The following SMYD3 variants were observed in gnomAD, a reference collection of about 807,000 sequenced individuals.
SMYD3 encodes histone-lysine N-methyltransferase SMYD3.
In SMYD3, 36 loss-of-function variants were observed where a neutral mutation model predicts 57.7. The ratio of observed to expected loss-of-function variants is 0.62; its 90% confidence interval spans 0.48 to 0.82. SMYD3 has a LOEUF of 0.82. Among genes scored for constraint, SMYD3 ranks in the 40% least tolerant of loss-of-function variants. The pLI, the probability that SMYD3 is intolerant of heterozygous loss-of-function variation, is 0.00. For missense variants in SMYD3, 515 were observed against 538.8 expected, an observed-to-expected ratio of 0.96 and a Z score of 0.44; for synonymous variants, 211 against 195.0, an observed-to-expected ratio of 1.08 and a Z score of -0.68.
At chr1:246,362,695 G>C (rs1008572668) in intron 1 of SMYD3, among the ~76,000 whole-genome samples, 1 of 152,262 alleles carries the variant, frequency 6.6e-6, no homozygotes, top group Non-Finnish European at 1.5e-5. Flanking sequence ...GCTCCTAACC[G>C]CGAGTGATCC....
intron 5 of SMYD3, among the ~76,000 whole-genome samples, chr1:246,207,935 T>G (rs2063026207): frequency 6.6e-6 from 1 of 152,098 alleles, no homozygotes; most frequent in African/African-American, 2.4e-5. Flanking sequence ...TCTTTTGCAT[T>G]AATTGGTCTA....
At chr1:245,902,225 C>A (rs2054236170) in intron 8 of SMYD3, among the ~76,000 whole-genome samples, 2 of 152,164 alleles carry the variant, frequency 1.3e-5, no homozygotes, top group South Asian at 4.1e-4. Context: ...CCCTGGGGAC[C>A]AGCAGAACCA....
At chr1:246,428,488 C>G (rs2067251667) in intron 1 of SMYD3, among the ~76,000 whole-genome samples, 1 of 152,218 alleles carries the variant, frequency 6.6e-6, no homozygotes, top group South Asian at 2.1e-4. Flanking sequence ...ACTGCTCTCT[C>G]CATTTTGTGT....
intron 10 of SMYD3, among the ~76,000 whole-genome samples, chr1:245,781,430 G>A (rs1028516875): frequency 6.6e-6 from 1 of 152,112 alleles, no homozygotes; most frequent in Admixed American, 6.5e-5. Flanking sequence ...CAAATCCAGT[G>A]TAATTTGCTA....
chr1:246,283,915 A>C (rs2064502860), intron 5 of SMYD3, among the ~76,000 whole-genome samples: 1 of 152,210 alleles, frequency 6.6e-6, no homozygotes, highest in South Asian at 2.1e-4. Flanking sequence ...CTGATTTCAA[A>C]ATAACAAAAG....
chr1:245,889,167 C>T (rs986408914), intron 8 of SMYD3, among the ~76,000 whole-genome samples: 1 of 152,116 alleles, frequency 6.6e-6, no homozygotes, highest in Non-Finnish European at 1.5e-5. Context: ...GTTTTAAAGG[C>T]TTTGAGCATG....
intron 1 of SMYD3, among the ~76,000 whole-genome samples, chr1:246,437,046 C>T (rs1245197917): frequency 1.3e-5 from 2 of 151,924 alleles, no homozygotes; most frequent in African/African-American, 4.8e-5. Context: ...ATTACAGGCA[C>T]CCGCCACCAC....
intron 10 of SMYD3, among the ~76,000 whole-genome samples, chr1:245,789,664 C>T (rs1188230721): frequency 2.6e-5 from 4 of 152,156 alleles, no homozygotes; most frequent in African/African-American, 9.7e-5. Context: ...ATTTTATAAG[C>T]TCTATATTTT....
intron 1 of SMYD3, among the ~76,000 whole-genome samples, chr1:246,399,634 C>T (rs2066735500): frequency 6.6e-6 from 1 of 152,140 alleles, no homozygotes; most frequent in Non-Finnish European, 1.5e-5. Context: ...CGTGAGCTAC[C>T]ATGCCCAGCC....
At chr1:245,875,860 A>G (rs1470967951) in intron 8 of SMYD3, among the ~76,000 whole-genome samples, 1 of 152,224 alleles carries the variant, frequency 6.6e-6, no homozygotes, top group Non-Finnish European at 1.5e-5. Context: ...GTAAATGCTT[A>G]CCAACTAAAA....
chr1:246,345,158 C>G (rs970059348), intron 2 of SMYD3, among the ~76,000 whole-genome samples: 1 of 152,104 alleles, frequency 6.6e-6, no homozygotes, highest in African/African-American at 2.4e-5. Flanking sequence ...TACCCCATAT[C>G]CAAAGAGTTT....
chr1:245,763,452 C>G (rs780067674), intron 11 of SMYD3, among the ~76,000 whole-genome samples: 3 of 152,164 alleles, frequency 2.0e-5, no homozygotes, highest in African/African-American at 2.4e-5. Flanking sequence ...AGAGTCCTGC[C>G]AAGCCCAGGG....
intron 1 of SMYD3, among the ~76,000 whole-genome samples, chr1:246,363,825 T>G (rs2066050876): frequency 6.6e-6 from 1 of 152,066 alleles, no homozygotes. Context: ...ACCAGAGACC[T>G]TTGTTCACTT....
At chr1:246,260,004 A>G (rs1160197029) in intron 5 of SMYD3, among the ~76,000 whole-genome samples, 2 of 152,142 alleles carry the variant, frequency 1.3e-5, no homozygotes, top group East Asian at 3.9e-4. Flanking sequence ...TCTCTGCATA[A>G]AAGGGGTAGG....
chr1:246,495,348 C>CAA (rs11329443), intron 1 of SMYD3, among the ~76,000 whole-genome samples: 6,970 of 57,776 alleles, frequency 0.12, 527 homozygotes, highest in East Asian at 0.19. Context: ...GACTCCGTCT[C>CAA]AAAAAAAAAA....
intron 1 of SMYD3, among the ~76,000 whole-genome samples, chr1:246,383,315 A>G (rs60957338): frequency 0.16 from 23,886 of 152,244 alleles, 2,139 homozygotes; most frequent in East Asian, 0.3. Flanking sequence ...AATATTCAGT[A>G]AAAAGAATCT....
intron 10 of SMYD3, among the ~76,000 whole-genome samples, chr1:245,829,319 C>T (rs1572457724): frequency 6.6e-6 from 1 of 152,022 alleles, no homozygotes; most frequent in Non-Finnish European, 1.5e-5. Flanking sequence ...ATTCTAGGCC[C>T]TAGGGATATA....
chr1:245,904,614 T>C (rs1439009856), intron 8 of SMYD3, among the ~76,000 whole-genome samples: 3 of 152,134 alleles, frequency 2.0e-5, no homozygotes, highest in African/African-American at 7.2e-5. Flanking sequence ...ACCTCACCAC[T>C]GAGGGCCAAA....
chr1:246,319,429 C>T (rs1033281523), intron 5 of SMYD3, among the ~76,000 whole-genome samples: 1 of 152,156 alleles, frequency 6.6e-6, no homozygotes, highest in African/African-American at 2.4e-5. Flanking sequence ...TTAATGGAAC[C>T]CAGGCACATC....
Sources: gnomAD v4.1 joint callset for allele counts (sites outside exome capture counted in the v4.1 genomes callset) on GRCh38, gnomAD v4.1.1 for gene constraint, MANE v1.5 for transcripts, NCBI Gene and HGNC (gene_info 2026-07-23, HGNC 2026-07-21) for gene names.